SYN1: variants seen among roughly 807,000 people sequenced by gnomAD.
The protein encoded by SYN1 is synapsin-1.
SYN1 carries 8 observed loss-of-function variants against 44.6 expected under a neutral mutation model. The ratio of observed to expected loss-of-function variants is 0.18; its 90% CI spans 0.11 to 0.32. The LOEUF is 0.32. Among genes scored for constraint, SYN1 ranks in the 10% least tolerant of loss-of-function variants. The pLI is 1.00. For missense variants in SYN1, 451 were observed against 639.4 expected (o/e 0.71, Z 3.18); for synonymous variants, 275 against 280.1 (o/e 0.98, Z 0.18).
In SYN1 at chrX:47,607,172, A is replaced by G. The variant is rs768305244; in HGVS notation, c.404T>C (p.Ile135Thr). The G allele has an allele frequency of 5.8e-6, 7 of 1,211,572 alleles. No homozygotes were observed. The South Asian group carries it at 1.2e-4, about 21-fold the overall frequency. ...TACTTTAATGTCAATTTCTCCATGG[A>G]TCTTTTTCCCTTTGAAGTATTTTGC... ...DWAKYFKGKK[I>T]HGEIDIKVEQ... The change falls in exon 2 of 13, where the codon ATC becomes ACC. Residue 135 changes from isoleucine to threonine, a missense_variant. Coordinates refer to ENST00000295987, the MANE Select transcript of SYN1 (RefSeq NM_006950.3).
intron 1 of SYN1, among the ~76,000 whole-genome samples, chrX:47,612,360 A>G (rs2057918940): frequency 9.0e-6 from 1 of 110,552 alleles, no homozygotes; most frequent in Non-Finnish European, 1.9e-5. Flanking sequence ...CAAATAATAA[A>G]GTCAGGTGGG....
intron 1 of SYN1, among the ~76,000 whole-genome samples, chrX:47,613,140 A>G (rs1283100846): frequency 9.3e-6 from 1 of 108,051 alleles, no homozygotes; most frequent in East Asian, 2.9e-4. Flanking sequence ...CCAAAAAAAA[A>G]AAAAAAAAAA....
In SYN1 at chrX:47,584,856, A is replaced by G. The variant is rs779508365; in HGVS notation, c.775-7355T>C. On this transcript the variant is annotated intron_variant, in intron 5 of 12. Transcript: ENST00000295987. ...CTATTTATGTATGCGCTTTGCTGGTATGATGATGATGATGATGATGATCTT... is the reference window on the plus strand; with the variant it reads ...CTATTTATGTATGCGCTTTGCTGGTGTGATGATGATGATGATGATGATCTT... 1.4e-4 allele frequency: 84 copies of G among 614,354 alleles called. 1 individual carries two copies. In the South Asian group the frequency reaches 2.8e-3, roughly 20 times the overall value. 50.6% of individuals were successfully genotyped at this position (614,354 alleles called of 1,213,427 possible).
At chrX:47,577,296 A>T in intron 6 of SYN1, 143 bp downstream of exon 6, 1 of 605,186 alleles carries the variant, frequency 1.7e-6, no homozygotes, top group Non-Finnish European at 2.7e-6. Flanking sequence ...TGTGGTTTTT[A>T]CCATAAGAAC....
chrX:47,606,478 C>T (rs2147928294), intron 3 of SYN1, among the ~76,000 whole-genome samples: 1 of 109,792 alleles, frequency 9.1e-6, no homozygotes, highest in East Asian at 2.9e-4. Flanking sequence ...AATCCCAGCA[C>T]TTTGAGAGGA....
intron 5 of SYN1, chrX:47,585,468 G>A (rs780022549): frequency 8.4e-7 from 1 of 1,191,588 alleles, no homozygotes; most frequent in Admixed American, 2.3e-5. Context: ...CTATCAGAAG[G>A]CCGGGCCTTT....
Position 47,578,220 on chromosome X carries a change from C to G in SYN1, c.775-719G>C, listed in dbSNP as rs146264481. Among the ~76,000 whole-genome samples, 967 of 110,685 alleles carry G rather than the reference C, an allele frequency of 8.7e-3. 12 individuals are homozygous for G. Among genetic ancestry groups the G allele is most frequent in the African/African-American group, 0.03 (901 of 30,272 alleles). On this transcript the variant is annotated intron_variant, in intron 5 of 12. Transcript: ENST00000295987. ...CAGGTTCCCTCCCCTCACCCAAACCCACATCACCATCAGGGGAACACACAC... is the reference window on the plus strand; with the variant it reads ...CAGGTTCCCTCCCCTCACCCAAACCGACATCACCATCAGGGGAACACACAC...
chrX:47,576,347 A>G lies in SYN1; in HGVS notation c.1040T>C (p.Ile347Thr). Residue 347 changes from isoleucine to threonine, a missense_variant, in exon 8 of 13, where the codon ATT becomes ACT. By Grantham distance (89) the Ile-to-Thr change is moderately conservative. Coordinates refer to ENST00000295987, the MANE Select transcript of SYN1 (RefSeq NM_006950.3). ...TNTGSAMLEQ[I>T]AMSDRYKLWV... ...GGCTGCCCACCTGTCAGACATGGCA[A>G]TTTGCTCCAGCATCGCAGAGCCAGT... 1.7e-6 allele frequency: 2 copies of G among 1,211,531 alleles called. No homozygotes were observed. Among genetic ancestry groups the G allele is most frequent in the Non-Finnish European group, 1.1e-6 (1 of 895,428 alleles).
intron 5 of SYN1, among the ~76,000 whole-genome samples, chrX:47,598,681 G>T (rs1187101020): frequency 9.0e-6 from 1 of 111,543 alleles, no homozygotes; most frequent in Non-Finnish European, 1.9e-5. Flanking sequence ...AAAAAAATTA[G>T]CTGGGTGTGG....
At chrX:47,611,319 C>T (rs997968730) in intron 1 of SYN1, among the ~76,000 whole-genome samples, 6 of 111,629 alleles carry the variant, frequency 5.4e-5, no homozygotes, top group Middle Eastern at 4.6e-3. Context: ...TTATCTCCAT[C>T]GAGTTGAGCA....
At chrX:47,585,927 A>C (rs2057823969) in intron 5 of SYN1, 3 of 1,110,032 alleles carry the variant, frequency 2.7e-6, no homozygotes, top group Non-Finnish European at 3.6e-6. Flanking sequence ...CCTTGTGACT[A>C]TTCTGTAATC....
In SYN1 at chrX:47,572,790, C is replaced by T. The variant is rs1215439328; in HGVS notation, c.*74G>A. Reference sequence around the variant, plus strand: ...GATGGGTTCTCAAGGGATTTGGAGACTCCAAAAGTGAGAAATGGATTCAGG... The same window carrying T: ...GATGGGTTCTCAAGGGATTTGGAGATTCCAAAAGTGAGAAATGGATTCAGG... On this transcript the variant is annotated 3_prime_UTR_variant, in exon 13 of 13. Transcript: ENST00000295987. The T allele has an allele frequency of 5.8e-6, 7 of 1,197,274 alleles. No homozygotes were observed. The highest frequency in any genetic ancestry group is 3.5e-5 in the South Asian group (2 of 56,380).
At chrX:47,576,288 T>C in intron 8 of SYN1, 44 bp downstream of exon 8, 1 of 1,206,907 alleles carries the variant, frequency 8.3e-7, no homozygotes, top group Non-Finnish European at 1.1e-6. Context: ...GCTGTCGTGC[T>C]CCCACCCCCG....
intron 5 of SYN1, among the ~76,000 whole-genome samples, chrX:47,591,092 C>T (rs970647439): frequency 9.0e-6 from 1 of 111,107 alleles, no homozygotes; most frequent in African/African-American, 3.3e-5. Context: ...ATCATGTTGC[C>T]CAGGCTGGTC....
intron 5 of SYN1, among the ~76,000 whole-genome samples, chrX:47,588,852 G>T (rs777621142): frequency 2.7e-5 from 3 of 111,544 alleles, no homozygotes; most frequent in Non-Finnish European, 3.8e-5. Flanking sequence ...GGGAGCCTGG[G>T]GGGCCAGTCC....
Position 47,575,895 on chromosome X carries a change from G to A in SYN1, c.1158+236C>T, listed in dbSNP as rs778283795. On this transcript the variant is annotated intron_variant, in intron 9 of 12. Coordinates refer to ENST00000295987, the MANE Select transcript of SYN1 (RefSeq NM_006950.3). The stretch of plus-strand genomic sequence containing the variant: ...GCCATTCACCAAGATGTCTCGATTC[G>A]CAGAGCACTAAACAATCTAATAAGG... 2.7e-5 allele frequency among the ~76,000 whole-genome samples: 3 copies of A among 112,001 alleles called. No homozygotes were observed. The East Asian group carries it at 8.4e-4, about 31-fold the overall frequency.
At chrX:47,575,300 G>C in intron 9 of SYN1, 26 bp from the exon 10 acceptor site, 1 of 1,205,638 alleles carries the variant, frequency 8.3e-7, no homozygotes, top group Non-Finnish European at 1.1e-6. Flanking sequence ...GATCCGTGAG[G>C]GGAGAGGCAG....
At chrX:47,589,911 ATGTT>A (rs1440802697) in intron 5 of SYN1, 2 of 111,857 alleles carry the variant, frequency 1.8e-5, no homozygotes, top group African/African-American at 6.5e-5. Context: ...ATTGCAAACA[ATGTT>A]TGATATTAGG....
intron 5 of SYN1, among the ~76,000 whole-genome samples, chrX:47,594,552 AG>A (rs2057858163): frequency 9.2e-6 from 1 of 109,119 alleles, no homozygotes; most frequent in South Asian, 3.9e-4. Flanking sequence ...AAAAAGAAAA[AG>A]AAAAAAAAAG....
Sources: gnomAD v4.1 joint callset for allele counts (sites outside exome capture counted in the v4.1 genomes callset) on GRCh38, gnomAD v4.1.1 for gene constraint, MANE v1.5 for transcripts, NCBI Gene and HGNC (gene_info 2026-07-23, HGNC 2026-07-21) for gene names.